The following NKAIN2 variants were observed in gnomAD, a reference collection of about 807,000 sequenced individuals.
NKAIN2 encodes sodium/potassium-transporting ATPase subunit beta-1-interacting protein 2.
NKAIN2 carries 14 observed loss-of-function variants against 32.6 expected under a neutral mutation model. That is an observed-to-expected ratio of 0.43 (90% CI 0.28 to 0.67). The LOEUF is 0.67. Among genes scored for constraint, NKAIN2 ranks in the 30% least tolerant of loss-of-function variants. The pLI is 0.17. For missense variants in NKAIN2, 198 were observed against 258.3 expected (o/e 0.77, Z 1.60); for synonymous variants, 80 against 87.2 (o/e 0.92, Z 0.46).
At chr6:124,347,148 T>G (rs1169187892) in intron 2 of NKAIN2, among the ~76,000 whole-genome samples, 1 of 152,220 alleles carries the variant, frequency 6.6e-6, no homozygotes, top group South Asian at 2.1e-4. Flanking sequence ...TCTTTAAGAA[T>G]GTTGAATATT....
At chr6:124,756,308 C>T (rs1402792770) in intron 4 of NKAIN2, among the ~76,000 whole-genome samples, 4 of 152,092 alleles carry the variant, frequency 2.6e-5, no homozygotes, top group Admixed American at 6.6e-5. Context: ...AGAAAGTTTC[C>T]TTCTGCTTTC....
At chr6:123,968,944 C>A (rs1778212691) in intron 1 of NKAIN2, among the ~76,000 whole-genome samples, 1 of 152,146 alleles carries the variant, frequency 6.6e-6, no homozygotes, top group Admixed American at 6.5e-5. Context: ...CTCCTCTGGG[C>A]CATGAGCTCT....
At chr6:124,647,080 T>C (rs1784200309) in intron 3 of NKAIN2, among the ~76,000 whole-genome samples, 1 of 152,090 alleles carries the variant, frequency 6.6e-6, no homozygotes, top group South Asian at 2.1e-4. Context: ...TAGTATTTTA[T>C]ATTATTAATG....
At chr6:124,487,428 A>G (rs1397304169) in intron 3 of NKAIN2, among the ~76,000 whole-genome samples, 3 of 152,284 alleles carry the variant, frequency 2.0e-5, no homozygotes, top group Non-Finnish European at 2.9e-5. Context: ...AAATTTCAAC[A>G]GCTTAACTTA....
intron 2 of NKAIN2, among the ~76,000 whole-genome samples, chr6:124,333,184 G>A (rs185882101): frequency 6.6e-6 from 1 of 152,040 alleles, no homozygotes; most frequent in Non-Finnish European, 1.5e-5. Context: ...GGCCCTCGTG[G>A]CAAATTACTT....
At chr6:124,561,438 G>A (rs557973644) in intron 3 of NKAIN2, among the ~76,000 whole-genome samples, 37 of 152,190 alleles carry the variant, frequency 2.4e-4, no homozygotes, top group African/African-American at 7.9e-4. Flanking sequence ...TGATGGAATG[G>A]CAAGATTGTA....
At chr6:123,987,274 C>T (rs2114679479) in intron 1 of NKAIN2, among the ~76,000 whole-genome samples, 1 of 152,134 alleles carries the variant, frequency 6.6e-6, no homozygotes, top group Non-Finnish European at 1.5e-5. Flanking sequence ...GGTTTTCTTT[C>T]ACAGTAGAAA....
chr6:123,821,183 G>A (rs1238277160), intron 1 of NKAIN2, among the ~76,000 whole-genome samples: 1 of 152,134 alleles, frequency 6.6e-6, no homozygotes, highest in Non-Finnish European at 1.5e-5. Context: ...GACCTGAAAG[G>A]GGAATTCTGT....
chr6:123,976,338 TATATGTTCCC>T (rs1171013922), intron 1 of NKAIN2, among the ~76,000 whole-genome samples: 6 of 27,324 alleles, frequency 2.2e-4, no homozygotes, highest in African/African-American at 5.9e-4. Context: ...CCCATATATA[TATATGTTCCC>T]ATATATATAT....
intron 1 of NKAIN2, among the ~76,000 whole-genome samples, chr6:124,051,284 A>G (rs1334438138): frequency 6.6e-6 from 1 of 152,014 alleles, no homozygotes. Flanking sequence ...GAGAAAGGGA[A>G]CGAAGCATTG....
chr6:124,027,907 A>T (rs973921319), intron 1 of NKAIN2, among the ~76,000 whole-genome samples: 4 of 152,112 alleles, frequency 2.6e-5, no homozygotes, highest in Admixed American at 2.6e-4. Flanking sequence ...TCACTTAATC[A>T]AAATGTGTGG....
chr6:124,211,971 C>A (rs1791200449), intron 1 of NKAIN2, among the ~76,000 whole-genome samples: 1 of 151,930 alleles, frequency 6.6e-6, no homozygotes, highest in Non-Finnish European at 1.5e-5. Context: ...ACATAATGGG[C>A]TTTCTTCTAT....
chr6:124,619,047 T>C (rs536280974), intron 3 of NKAIN2, among the ~76,000 whole-genome samples: 1 of 151,876 alleles, frequency 6.6e-6, no homozygotes, highest in Non-Finnish European at 1.5e-5. Context: ...AAAAAATCAC[T>C]CTCCTCCCAA....
chr6:124,717,536 G>C (rs1363725012), intron 4 of NKAIN2, among the ~76,000 whole-genome samples: 1 of 152,058 alleles, frequency 6.6e-6, no homozygotes. Flanking sequence ...TAATTAGTTA[G>C]TATTATTATT....
chr6:124,050,563 A>C (rs1338812474), intron 1 of NKAIN2, among the ~76,000 whole-genome samples: 1 of 151,974 alleles, frequency 6.6e-6, no homozygotes, highest in African/African-American at 2.4e-5. Flanking sequence ...ATTGTACAAA[A>C]AGATTGGCAA....
chr6:124,106,898 T>C (rs1262075330), intron 1 of NKAIN2, among the ~76,000 whole-genome samples: 1 of 151,976 alleles, frequency 6.6e-6, no homozygotes, highest in African/African-American at 2.4e-5. Context: ...GGAAAGAGAG[T>C]CACTCACACA....
intron 4 of NKAIN2, among the ~76,000 whole-genome samples, chr6:124,694,817 A>G (rs750973984): frequency 5.9e-5 from 9 of 152,216 alleles, no homozygotes; most frequent in Non-Finnish European, 1.3e-4. Flanking sequence ...TAACATGAAT[A>G]TTTATTGACA....
intron 1 of NKAIN2, among the ~76,000 whole-genome samples, chr6:124,015,170 AT>A (rs1299396537): frequency 6.6e-6 from 1 of 152,110 alleles, no homozygotes; most frequent in Non-Finnish European, 1.5e-5. Context: ...TATAGAATGC[AT>A]ATTATATTTA....
chr6:124,430,980 T>C (rs900676109), intron 3 of NKAIN2, among the ~76,000 whole-genome samples: 1 of 152,242 alleles, frequency 6.6e-6, no homozygotes, highest in African/African-American at 2.4e-5. Flanking sequence ...CATGTCTTGC[T>C]AATATGCATG....
Sources: gnomAD v4.1 joint callset for allele counts (sites outside exome capture counted in the v4.1 genomes callset) on GRCh38, gnomAD v4.1.1 for gene constraint, MANE v1.5 for transcripts, NCBI Gene and HGNC (gene_info 2026-07-23, HGNC 2026-07-21) for gene names.